The following BAZ2B variants were observed in gnomAD, a reference collection of about 807,000 sequenced individuals.
BAZ2B encodes bromodomain adjacent to zinc finger domain 2B, also known as bromodomain adjacent to zinc finger domain protein 2B.
In BAZ2B, 91 loss-of-function variants were observed where a neutral mutation model predicts 246.0. The observed-to-expected ratio is 0.37, with a 90% CI of 0.31 to 0.44. The LOEUF is 0.44. Ranked by LOEUF, BAZ2B falls within the 20% of genes least tolerant of loss-of-function variation. The probability of loss-of-function intolerance (pLI) is 1.00; values close to 1 mark genes in which losing one functional copy is unlikely to be tolerated. For missense variants in BAZ2B, 2,332 were observed against 2,533.7 expected (o/e 0.92, Z 1.71); for synonymous variants, 855 against 860.0 (o/e 0.99, Z 0.10).
chr2:159,510,671 TA>T (rs561747459), intron 2 of BAZ2B, among the ~76,000 whole-genome samples: 182 of 152,338 alleles, frequency 1.2e-3, no homozygotes, highest in African/African-American at 3.8e-3. Flanking sequence ...CAAAATCCAT[TA>T]AACTATATAC....
intron 2 of BAZ2B, among the ~76,000 whole-genome samples, chr2:159,510,778 C>T (rs1391672391): frequency 6.6e-6 from 1 of 152,170 alleles, no homozygotes; most frequent in East Asian, 1.9e-4. Flanking sequence ...CTTGAAGATA[C>T]TGTTCTAGTT....
intron 3 of BAZ2B, among the ~76,000 whole-genome samples, chr2:159,455,762 GGTTTTTTTTTTTTTTTT>G (rs1258788123): frequency 6.2e-4 from 60 of 97,166 alleles, no homozygotes; most frequent in Non-Finnish European, 5.6e-4. Flanking sequence ...GAAATATTGT[GGTTTTTTTTTTTTTTTT>G]TTTTTTTTTG....
chr2:159,465,599 C>G (rs1329936545), intron 3 of BAZ2B, among the ~76,000 whole-genome samples: 3 of 151,900 alleles, frequency 2.0e-5, no homozygotes, highest in Non-Finnish European at 4.4e-5. Flanking sequence ...TAAATAAACC[C>G]CACTGCAAAA....
At chr2:159,366,964 T>C (rs574986021) in intron 27 of BAZ2B, among the ~76,000 whole-genome samples, 8 of 151,366 alleles carry the variant, frequency 5.3e-5, no homozygotes, top group Non-Finnish European at 7.4e-5. Flanking sequence ...TAAATGGGCA[T>C]GGGGGCTCTC....
At chr2:159,446,542 T>C (rs986809373) in intron 6 of BAZ2B, among the ~76,000 whole-genome samples, 3 of 152,220 alleles carry the variant, frequency 2.0e-5, no homozygotes, top group African/African-American at 4.8e-5. Flanking sequence ...AGGGAAGAGT[T>C]AAAAGTTATA....
chr2:159,659,156 C>T, the BAZ2B span, among the ~76,000 whole-genome samples: 2 of 152,084 alleles, frequency 1.3e-5, no homozygotes, highest in South Asian at 2.1e-4. Flanking sequence ...GTTTCTGTTC[C>T]GTTTCTTTAT....
chr2:159,648,282 C>T, the BAZ2B span, among the ~76,000 whole-genome samples: 1 of 152,002 alleles, frequency 6.6e-6, no homozygotes, highest in Non-Finnish European at 1.5e-5. Context: ...GGGTTACACG[C>T]ACATGCCACC....
At chr2:159,660,001 T>G in the BAZ2B span, among the ~76,000 whole-genome samples, 1 of 152,224 alleles carries the variant, frequency 6.6e-6, no homozygotes, top group South Asian at 2.1e-4. Flanking sequence ...AGTGTACAAT[T>G]CAGTGGAATT....
chr2:159,495,282 G>A (rs998792394), intron 2 of BAZ2B, among the ~76,000 whole-genome samples: 3 of 151,004 alleles, frequency 2.0e-5, no homozygotes, highest in Non-Finnish European at 4.4e-5. Context: ...TCAGGAGATC[G>A]AGACCATCCC....
the BAZ2B span, among the ~76,000 whole-genome samples, chr2:159,672,542 T>C: frequency 6.6e-6 from 1 of 152,188 alleles, no homozygotes; most frequent in Non-Finnish European, 1.5e-5. Context: ...AGAATCCTCA[T>C]GGAAATACAG....
chr2:159,540,476 G>A (rs1223144330), intron 2 of BAZ2B, among the ~76,000 whole-genome samples: 1 of 152,192 alleles, frequency 6.6e-6, no homozygotes, highest in African/African-American at 2.4e-5. Flanking sequence ...GCACACACTA[G>A]CTGATTCTAG....
chr2:159,332,365 T>C (rs1464155151), intron 34 of BAZ2B, among the ~76,000 whole-genome samples, 175 bp downstream of exon 34: 2 of 151,700 alleles, frequency 1.3e-5, no homozygotes, highest in African/African-American at 4.8e-5. Flanking sequence ...TGCACACCTG[T>C]AGTCTCAGCT....
the BAZ2B span, among the ~76,000 whole-genome samples, chr2:159,638,600 T>C: frequency 5.3e-4 from 81 of 152,184 alleles, no homozygotes; most frequent in African/African-American, 1.9e-3. Flanking sequence ...GAAAATGCAA[T>C]TGACATGCTG....
chr2:159,701,387 G>A, the BAZ2B span, among the ~76,000 whole-genome samples: 1 of 151,518 alleles, frequency 6.6e-6, no homozygotes, highest in Non-Finnish European at 1.5e-5. Flanking sequence ...TGTATTTCTT[G>A]ATTTTTAATA....
chr2:159,391,942 T>C (rs999069420), intron 20 of BAZ2B, among the ~76,000 whole-genome samples: 2 of 152,172 alleles, frequency 1.3e-5, no homozygotes, highest in African/African-American at 4.8e-5. Context: ...ACAAATTCTG[T>C]GGTTATGGTA....
At chr2:159,709,824 G>T in the BAZ2B span, among the ~76,000 whole-genome samples, 1 of 152,218 alleles carries the variant, frequency 6.6e-6, no homozygotes, top group Non-Finnish European at 1.5e-5. Flanking sequence ...AAGAGTAAAG[G>T]GTTGAATGAC....
At chr2:159,524,314 G>A (rs2084484582) in intron 2 of BAZ2B, among the ~76,000 whole-genome samples, 1 of 152,054 alleles carries the variant, frequency 6.6e-6, no homozygotes, top group African/African-American at 2.4e-5. Flanking sequence ...AATTAGCCAG[G>A]CATGGTGGTG....
the BAZ2B span, among the ~76,000 whole-genome samples, chr2:159,678,774 C>T: frequency 6.6e-5 from 10 of 152,172 alleles, no homozygotes; most frequent in Non-Finnish European, 1.3e-4. Context: ...AATCAGGATA[C>T]AGAACACCTC....
intron 14 of BAZ2B, among the ~76,000 whole-genome samples, chr2:159,409,561 T>C (rs572110382): frequency 5.9e-5 from 9 of 152,304 alleles, no homozygotes; most frequent in African/African-American, 2.2e-4. Context: ...ATTCTGAAAC[T>C]TTCTTCAAAT....
Sources: gnomAD v4.1 joint callset for allele counts (sites outside exome capture counted in the v4.1 genomes callset) on GRCh38, gnomAD v4.1.1 for gene constraint, MANE v1.5 for transcripts, NCBI Gene and HGNC (gene_info 2026-07-23, HGNC 2026-07-21) for gene names.